Variants in SLC28A3 observed in about 807,000 individuals in gnomAD.
SLC28A3 encodes solute carrier family 28 member 3.
SLC28A3 carries 68 observed loss-of-function variants against 84.2 expected under a neutral mutation model. The ratio of observed to expected loss-of-function variants is 0.81; its 90% CI spans 0.66 to 0.99. The LOEUF is 0.99. Ranked by LOEUF, SLC28A3 falls within the 50% of genes least tolerant of loss-of-function variation. The pLI, the probability that SLC28A3 is intolerant of heterozygous loss-of-function variation, is 0.00. For missense variants in SLC28A3, 712 were observed against 841.5 expected (o/e 0.85, Z 1.90); for synonymous variants, 267 against 303.6 (o/e 0.88, Z 1.25).
At chr9:84,352,825 G>A in the SLC28A3 span, among the ~76,000 whole-genome samples, 1 of 149,194 alleles carries the variant, frequency 6.7e-6, no homozygotes, top group Non-Finnish European at 1.5e-5. Flanking sequence ...CCTGGGAAGT[G>A]GAGGTTGCAG....
chr9:84,320,054 T>TTTTG (rs1826319595), intron 1 of SLC28A3, among the ~76,000 whole-genome samples: 2 of 128,470 alleles, frequency 1.6e-5, no homozygotes, highest in African/African-American at 7.0e-5. Flanking sequence ...TTTTTTTTTT[T>TTTTG]TTTTTTTTTT....
upstream of SLC28A3, chr9:84,340,817 A>ATTTT: frequency 2.2e-6 from 1 of 449,776 alleles, no homozygotes; most frequent in Non-Finnish European, 4.1e-6. Flanking sequence ...GGGGTGGGGC[A>ATTTT]GAGAGGCGGG....
At chr9:84,294,061 A>T (rs1425038826) in intron 9 of SLC28A3, 134 bp downstream of exon 9, 2 of 688,946 alleles carry the variant, frequency 2.9e-6, no homozygotes, top group African/African-American at 1.8e-5. Flanking sequence ...GAATCTAATC[A>T]CTTAGGTGGT....
At chr9:84,299,468 A>G (rs528297569) in intron 6 of SLC28A3, 113 bp downstream of exon 6, 15 of 1,367,806 alleles carry the variant, frequency 1.1e-5, no homozygotes, top group Non-Finnish European at 1.4e-5. Flanking sequence ...TAATCCCATC[A>G]AGGTAAGAAA....
intron 10 of SLC28A3, among the ~76,000 whole-genome samples, chr9:84,290,919 AC>A (rs1825193805): frequency 6.6e-6 from 1 of 152,136 alleles, no homozygotes; most frequent in Admixed American, 6.5e-5. Flanking sequence ...AGAATCAGAG[AC>A]CCCTCTCTGA....
At position 84,290,232 on chromosome 9, in the gene SLC28A3, C is replaced by G. The variant is rs760000868; in HGVS notation, c.1071G>C (p.Lys357Asn). ...CGGTCATGATGGCGTGGAGTTCAGACTTGGTGATGTAAGGTAAATATGGTC... is the reference window on the plus strand; with the variant it reads ...CGGTCATGATGGCGTGGAGTTCAGAGTTGGTGATGTAAGGTAAATATGGTC... ...LVRPYLPYITKSELHAIMTAG... is the reference protein window; with the variant it reads ...LVRPYLPYITNSELHAIMTAG... The change falls in exon 11 of 18, where the codon AAG becomes AAC. Residue 357 changes from lysine (K) to asparagine (N), a missense_variant. Transcript: ENST00000376238. 5.6e-6 allele frequency: 9 copies of G among 1,613,954 alleles called. No homozygotes were observed. The highest frequency in any genetic ancestry group is 6.8e-6 in the Non-Finnish European group (8 of 1,179,982).
chr9:84,330,991 C>T (rs1341825121), intron 1 of SLC28A3, among the ~76,000 whole-genome samples: 1 of 152,150 alleles, frequency 6.6e-6, no homozygotes, highest in East Asian at 1.9e-4. Flanking sequence ...AGTGCCTCAA[C>T]ACTGATGAGT....
chr9:84,344,646 G>T (rs944709539), upstream of SLC28A3, among the ~76,000 whole-genome samples: 1 of 152,110 alleles, frequency 6.6e-6, no homozygotes, highest in African/African-American at 2.4e-5. Context: ...GTCTCTAAGG[G>T]CAGCCACTAT....
intron 8 of SLC28A3, among the ~76,000 whole-genome samples, chr9:84,295,555 C>G (rs1267657896): frequency 6.6e-6 from 1 of 152,128 alleles, no homozygotes; most frequent in Non-Finnish European, 1.5e-5. Flanking sequence ...TGCACTCCAG[C>G]CTGGATGGCA....
In SLC28A3 at chr9:84,340,684, A is replaced by G. The variant is rs748929642; in HGVS notation, c.-51T>C. On this transcript the variant is annotated 5_prime_UTR_variant, in exon 1 of 18. Transcript: ENST00000376238. ...GGTCTGGAGGTCCTTTGTACCTGGG[A>G]AAAAGCACCAGTCTCTGCTGATGTC... 11 of 1,607,438 alleles carry G rather than the reference A, an allele frequency of 6.8e-6. No individual in the cohort carries two copies. The highest frequency in any genetic ancestry group is 8.5e-6 in the Non-Finnish European group (10 of 1,174,662).
chr9:84,299,774 G>C, intron 5 of SLC28A3, 49 bp from the exon 6 acceptor site: 1 of 1,534,114 alleles, frequency 6.5e-7, no homozygotes. Context: ...GTGCTAACTT[G>C]AGAATCATAA....
chr9:84,288,017 G>C (rs758654180), intron 12 of SLC28A3, 31 bp downstream of exon 12: 3 of 1,613,038 alleles, frequency 1.9e-6, no homozygotes, highest in Non-Finnish European at 2.5e-6. Context: ...GGCTTGGGTA[G>C]TCATTAATTA....
At chr9:84,363,833 T>C in the SLC28A3 span, among the ~76,000 whole-genome samples, 19 of 152,262 alleles carry the variant, frequency 1.2e-4, no homozygotes, top group Non-Finnish European at 2.6e-4. Context: ...CAAATGATCC[T>C]CCTGCTTTGG....
intron 5 of SLC28A3, among the ~76,000 whole-genome samples, chr9:84,300,117 A>T (rs903738135): frequency 1.3e-5 from 2 of 152,124 alleles, no homozygotes; most frequent in Non-Finnish European, 2.9e-5. Context: ...ACAAAGAAAC[A>T]TAGAAACAAG....
At chr9:84,349,644 G>T in the SLC28A3 span, among the ~76,000 whole-genome samples, 1 of 152,224 alleles carries the variant, frequency 6.6e-6, no homozygotes, top group East Asian at 1.9e-4. Context: ...CCTGTCAGTA[G>T]CCAGTTTTTT....
chr9:84,315,035 C>T (rs1386351516), intron 1 of SLC28A3, among the ~76,000 whole-genome samples: 1 of 152,158 alleles, frequency 6.6e-6, no homozygotes, highest in Non-Finnish European at 1.5e-5. Context: ...TGAGATCACA[C>T]CACTCTGCAC....
intron 14 of SLC28A3, among the ~76,000 whole-genome samples, chr9:84,281,526 C>CA (rs1824748291): frequency 6.6e-6 from 1 of 152,180 alleles, no homozygotes; most frequent in Non-Finnish European, 1.5e-5. Flanking sequence ...GTTTTATACA[C>CA]TGCTGGTGGG....
the SLC28A3 span, among the ~76,000 whole-genome samples, chr9:84,365,590 G>A: frequency 1.3e-5 from 2 of 152,096 alleles, no homozygotes; most frequent in Non-Finnish European, 2.9e-5. Context: ...CAATGTCCTG[G>A]AGATTTTTCC....
At chr9:84,352,910 A>C in the SLC28A3 span, among the ~76,000 whole-genome samples, 2 of 151,460 alleles carry the variant, frequency 1.3e-5, no homozygotes, top group East Asian at 1.9e-4. Context: ...AAAAAAAAAA[A>C]AAAAACCTTA....
Sources: gnomAD v4.1 joint callset for allele counts (sites outside exome capture counted in the v4.1 genomes callset) on GRCh38, gnomAD v4.1.1 for gene constraint, MANE v1.5 for transcripts, NCBI Gene and HGNC (gene_info 2026-07-23, HGNC 2026-07-21) for gene names.